SNX9: variants seen among roughly 807,000 people sequenced by gnomAD.
SNX9 encodes the protein sorting nexin 9, also known as sorting nexin-9.
In SNX9, 44 loss-of-function variants were observed where a neutral mutation model predicts 89.4. That is an observed-to-expected ratio of 0.49 (90% confidence interval 0.39 to 0.63). The LOEUF (loss-of-function observed/expected upper bound fraction) is 0.63. Among genes scored for constraint, SNX9 ranks in the 30% least tolerant of loss-of-function variants. SNX9 has a pLI of 0.00. For missense variants in SNX9, 578 were observed against 736.1 expected, an observed-to-expected ratio of 0.79 and a Z score of 2.49; for synonymous variants, 236 against 247.8, an observed-to-expected ratio of 0.95 and a Z score of 0.45.
intron 9 of SNX9, among the ~76,000 whole-genome samples, chr6:157,921,109 A>T (rs1360109085): frequency 1.3e-5 from 2 of 152,188 alleles, no homozygotes; most frequent in East Asian, 3.9e-4. Context: ...ATTAAATTCC[A>T]CTCATCACTC....
intron 1 of SNX9, among the ~76,000 whole-genome samples, chr6:157,851,144 G>C (rs903202018): frequency 1.3e-5 from 2 of 151,870 alleles, no homozygotes; most frequent in African/African-American, 4.8e-5. Flanking sequence ...TGTAATCCCA[G>C]CTGCTCAGAA....
At chr6:157,878,474 G>A (rs1270429380) in intron 4 of SNX9, among the ~76,000 whole-genome samples, 1 of 148,858 alleles carries the variant, frequency 6.7e-6, no homozygotes, top group Non-Finnish European at 1.5e-5. Flanking sequence ...CAGTCGCTCA[G>A]GCTGGAGTGC....
chr6:157,932,364 A>G, intron 13 of SNX9, 92 bp downstream of exon 13: 1 of 1,128,452 alleles, frequency 8.9e-7, no homozygotes. Flanking sequence ...CTCCCTCCTC[A>G]GTGAAGCACC....
intron 1 of SNX9, chr6:157,830,260 A>G (rs573175857): frequency 2.0e-5 from 3 of 152,264 alleles, no homozygotes; most frequent in African/African-American, 7.2e-5. Context: ...TTGAGAAGGT[A>G]TGTTGTTGGT....
chr6:157,855,258 C>G (rs1562595206), intron 1 of SNX9, among the ~76,000 whole-genome samples: 2 of 152,104 alleles, frequency 1.3e-5, no homozygotes, highest in South Asian at 4.1e-4. Context: ...GTATAGTACT[C>G]CGTTTCGCAG....
chr6:157,887,896 G>C (rs534624576), intron 4 of SNX9, among the ~76,000 whole-genome samples: 1 of 152,298 alleles, frequency 6.6e-6, no homozygotes, highest in South Asian at 2.1e-4. Flanking sequence ...TTGTGGAACC[G>C]GGATTTGAAG....
At position 157,828,310 on chromosome 6, in the gene SNX9, C is replaced by CAAAAAAAAAAAA. The variant is rs371428014; in HGVS notation, c.12+4865_12+4866insAAAAAAAAAAAA. On this transcript the variant is annotated intron_variant, in intron 1 of 17. Transcript: ENST00000392185. ...TAGATTAGAAAGCATAAAAATGTTG[C>CAAAAAAAAAAAA]AGTTTTTCTACTGTGCCTTGTTTTT... is the stretch of plus-strand genomic sequence containing the variant. Among the ~76,000 whole-genome samples, 331 of 152,092 alleles carry CAAAAAAAAAAAA rather than the reference C, an allele frequency of 2.2e-3. 1 individual carries two copies. Among genetic ancestry groups the CAAAAAAAAAAAA allele is most frequent in the African/African-American group, 7.7e-3 (317 of 41,430 alleles).
chr6:157,840,590 G>T (rs1299935694), intron 1 of SNX9, among the ~76,000 whole-genome samples: 2 of 151,494 alleles, frequency 1.3e-5, no homozygotes, highest in Non-Finnish European at 2.9e-5. Flanking sequence ...TTTGATACTG[G>T]ATTTAAGCCT....
intron 1 of SNX9, among the ~76,000 whole-genome samples, chr6:157,864,312 A>G: frequency 6.6e-6 from 1 of 151,918 alleles, no homozygotes; most frequent in Non-Finnish European, 1.5e-5. Flanking sequence ...AACGCCCCCC[A>G]TTTGCCGCAC....
intron 10 of SNX9, among the ~76,000 whole-genome samples, chr6:157,924,088 C>T (rs1235800186): frequency 6.6e-6 from 1 of 152,090 alleles, no homozygotes; most frequent in Non-Finnish European, 1.5e-5. Context: ...ATCCCAGCTA[C>T]TTGGGAGGCT....
intron 1 of SNX9, among the ~76,000 whole-genome samples, chr6:157,840,870 C>T (rs541681927): frequency 3.3e-5 from 5 of 152,270 alleles, no homozygotes; most frequent in South Asian, 2.1e-4. Flanking sequence ...TGAATACAAA[C>T]GGCTCATCAG....
At chr6:157,894,501 G>A (rs1389544790) in intron 4 of SNX9, among the ~76,000 whole-genome samples, 1 of 145,550 alleles carries the variant, frequency 6.9e-6, no homozygotes, top group Non-Finnish European at 1.5e-5. Context: ...ACAAAAAACT[G>A]TATTTGCCTC....
chr6:157,823,582 G>T lies in SNX9; in HGVS notation c.12+136G>T. On this transcript the variant is annotated intron_variant, in intron 1 of 17. Transcript: ENST00000392185. This position sits in a 1 kb window ranked among gnomAD's most constrained non-coding sequence, Gnocchi z 4.6. ...ACTCCGCTTCCTCGGTGGAGTCCCCGGGCGGGTCCGCGGCCCAGCCAGTCC... is the reference window on the plus strand; with the variant it reads ...ACTCCGCTTCCTCGGTGGAGTCCCCTGGCGGGTCCGCGGCCCAGCCAGTCC... 1 of 733,302 alleles carries T rather than the reference G, an allele frequency of 1.4e-6. No homozygotes were observed. The highest frequency in any genetic ancestry group is 1.8e-6 in the Non-Finnish European group (1 of 563,496). 45.4% of individuals were successfully genotyped at this position (733,302 alleles called of 1,614,324 possible).
intron 14 of SNX9, 121 bp downstream of exon 14, chr6:157,936,161 G>A (rs567883695): frequency 2.9e-6 from 2 of 685,732 alleles, no homozygotes; most frequent in African/African-American, 3.7e-5. Context: ...CTGTTTCTGT[G>A]TATCTTTTTT....
At chr6:157,858,250 CTTTTTTT>C (rs141525968) in intron 1 of SNX9, among the ~76,000 whole-genome samples, 2 of 143,852 alleles carry the variant, frequency 1.4e-5, no homozygotes, top group Admixed American at 7.0e-5. Flanking sequence ...TTTCTTTTTT[CTTTTTTT>C]TTTTTTGAGA....
intron 1 of SNX9, among the ~76,000 whole-genome samples, chr6:157,859,205 C>T (rs960118490): frequency 6.6e-6 from 1 of 152,146 alleles, no homozygotes; most frequent in African/African-American, 2.4e-5. Flanking sequence ...TAATGAGAAA[C>T]GTCACTTCCA....
At chr6:157,942,733 CT>C in intron 17 of SNX9, 57 bp from the exon 18 acceptor site, 1 of 1,556,320 alleles carries the variant, frequency 6.4e-7, no homozygotes, top group Non-Finnish European at 8.8e-7. Context: ...ATAAAGAACA[CT>C]GTGAGGTCGT....
Position 157,869,980 on chromosome 6 carries a change from G to A in SNX9, c.99+2347G>A, listed in dbSNP as rs976300671. Among the ~76,000 whole-genome samples, 13 of 151,858 alleles carry A rather than the reference G, an allele frequency of 8.6e-5. No homozygotes were observed. In the South Asian group the frequency reaches 1.7e-3, roughly 19 times the overall value. Reference sequence around the variant, plus strand: ...TTCACGTGTGCACTCTTACACACACGTACCTTCTCACTCTCACCTCTCATG... The same window carrying A: ...TTCACGTGTGCACTCTTACACACACATACCTTCTCACTCTCACCTCTCATG... On this transcript the variant is annotated intron_variant, in intron 2 of 17. Coordinates refer to ENST00000392185, the MANE Select transcript of SNX9 (RefSeq NM_016224.5).
chr6:157,909,644 C>A, intron 7 of SNX9, 21 bp from the exon 8 acceptor site: 12 of 1,605,006 alleles, frequency 7.5e-6, no homozygotes, highest in Non-Finnish European at 1.0e-5. Flanking sequence ...AAAATTACTT[C>A]TTTCTGGAAC....
Sources: allele counts gnomAD v4.1 joint callset (sites outside exome capture counted in the v4.1 genomes callset), GRCh38; gene constraint gnomAD v4.1.1; non-coding constraint Gnocchi (gnomAD v3.1); transcripts MANE v1.5; gene names NCBI Gene and HGNC (gene_info 2026-07-23, HGNC 2026-07-21).